TMEM61: variants seen among roughly 807,000 people sequenced by gnomAD.
TMEM61 encodes transmembrane protein 61.
In TMEM61, 13 loss-of-function variants were observed where a neutral mutation model predicts 12.0. That is an observed-to-expected ratio of 1.08 (90% CI 0.70 to 1.72). The LOEUF is 1.72. Ranked by LOEUF, TMEM61 falls within the 40% of genes most tolerant of loss-of-function variation. The pLI, the probability that TMEM61 is intolerant of heterozygous loss-of-function variation, is 0.00. For synonymous variants in TMEM61, 109 were observed against 121.4 expected (o/e 0.90, Z 0.67); for missense variants, 249 against 276.9 (o/e 0.90, Z 0.71).
chr1:54,991,274 A>G (rs1043489606), intron 2 of TMEM61, among the ~76,000 whole-genome samples: 4 of 152,210 alleles, frequency 2.6e-5, no homozygotes, highest in African/African-American at 9.7e-5. Context: ...CTGTCCAGAG[A>G]TAGAAGTGGT....
In TMEM61 at chr1:54,992,266, AAAAT is replaced by A. The variant is rs1474421849; in HGVS notation, c.*168_*171del. 20 of 841,880 alleles carry A rather than the reference AAAAT, an allele frequency of 2.4e-5. No homozygotes were observed. In the African/African-American group the frequency reaches 3.4e-4, roughly 14 times the overall value. The allele number at this position is 841,880 out of a possible 1,614,324, so 52.2% of individuals were successfully genotyped here. A position where few individuals can be genotyped will look rare whatever the true frequency, so the allele number is the denominator to read the frequency against. Reference sequence around the variant, plus strand: ...AAACCACCCCAGAATTTAGTGGCTTAAAATAAATCCCATTTTATTATGTCTCACG... The same window carrying A: ...AAACCACCCCAGAATTTAGTGGCTTAAAATCCCATTTTATTATGTCTCACG... On this transcript the variant is annotated 3_prime_UTR_variant, in exon 3 of 3. Coordinates refer to ENST00000371268, the MANE Select transcript of TMEM61 (RefSeq NM_182532.3).
chr1:54,991,821 C>A lies in TMEM61; in HGVS notation c.366-15C>A. The stretch of plus-strand genomic sequence containing the variant: ...GCCCCAGCCCCTGCTAACAGCCTCT[C>A]TTCTGTTCCTGCAGGACCCCCAAAG... On this transcript the variant is annotated splice_polypyrimidine_tract_variant and intron_variant, in intron 2 of 2. Transcript: ENST00000371268. The A allele has an allele frequency of 6.2e-7, 1 of 1,612,580 alleles. No individual in the cohort carries two copies. Among genetic ancestry groups the A allele is most frequent in the Non-Finnish European group, 8.5e-7 (1 of 1,179,238 alleles).
rs1383379253 is a variant in TMEM61 at position 54,981,573 on chromosome 1, G to A, written c.15+493G>A. 3.9e-5 allele frequency among the ~76,000 whole-genome samples: 6 copies of A among 152,272 alleles called. 1 individual carries two copies. The South Asian group carries it at 1.2e-3, about 32-fold the overall frequency. ...GCAGAGGGTGCAATGAGCCGAGATC[G>A]CAGGACTGCCCTCCAGCCTGGGCAA... On this transcript the variant is annotated intron_variant, in intron 1 of 2. Transcript: ENST00000371268.
At position 54,980,924 on chromosome 1, in the gene TMEM61, C is replaced by T. The variant is rs1242734887; in HGVS notation, c.-142C>T. 6.1e-5 allele frequency: 54 copies of T among 890,420 alleles called. No individual in the cohort carries two copies. The highest frequency in any genetic ancestry group is 8.1e-5 in the Non-Finnish European group (50 of 621,034). The allele number at this position is 890,420 out of a possible 1,614,324, so 55.2% of individuals were successfully genotyped here. On this transcript the variant is annotated 5_prime_UTR_variant, in exon 1 of 3. Transcript: ENST00000371268. ...GGGCTCGGGGGCAGCGGCCAGGCCC[C>T]TCCGCCCCTAACACCCGCGCCTCCT...
chr1:54,987,763 G>T (rs1644270230), intron 2 of TMEM61, among the ~76,000 whole-genome samples: 1 of 152,210 alleles, frequency 6.6e-6, no homozygotes, highest in African/African-American at 2.4e-5. Context: ...CTGCACGGCT[G>T]GCATTCTTCC....
At chr1:54,983,257 G>A (rs1427534616) in intron 1 of TMEM61, among the ~76,000 whole-genome samples, 1 of 151,834 alleles carries the variant, frequency 6.6e-6, no homozygotes, top group African/African-American at 2.4e-5. Context: ...GGGACTACAG[G>A]TGCCCACCAC....
In TMEM61 at chr1:54,986,270, C is replaced by A; in HGVS notation, c.189C>A (p.Ser63Arg). The A allele has an allele frequency of 6.2e-7, 1 of 1,613,868 alleles. No homozygotes were observed. The highest frequency in any genetic ancestry group is 8.5e-7 in the Non-Finnish European group (1 of 1,180,002). The change falls in exon 2 of 3, where the codon AGC becomes AGA. Residue 63 changes from serine to arginine, a missense_variant. Transcript: ENST00000371268. ...AGTATCCGGTGCCTGAGGGCCCCAG[C>A]CCCCTGCTCAGGTCCGTCAGCTTCG... Reference protein sequence around the residue: ...PTEYPVPEGPSPLLRSVSFVC... With the variant: ...PTEYPVPEGPRPLLRSVSFVC...
rs998486055 is a variant in TMEM61 at position 54,991,881 on chromosome 1, C to T, written c.411C>T (p.Ser137=). Residue 137 remains serine (S), a synonymous_variant, in exon 3 of 3, where the codon AGC becomes AGT. Coordinates refer to ENST00000371268, the MANE Select transcript of TMEM61 (RefSeq NM_182532.3). ...VDIPTYEEAV[S]FPVAEGPPTP... The stretch of plus-strand genomic sequence containing the variant: ...TCCCCACTTACGAGGAAGCCGTGAG[C>T]TTCCCAGTGGCCGAGGGGCCCCCAA... 1 of 1,614,024 alleles carries T rather than the reference C, an allele frequency of 6.2e-7. No homozygotes were observed. Among genetic ancestry groups the T allele is most frequent in the African/African-American group, 1.3e-5 (1 of 74,928 alleles).
chr1:54,986,039 G>T (rs1644255399), intron 1 of TMEM61, 58 bp from the exon 2 acceptor site: 2 of 1,451,692 alleles, frequency 1.4e-6, no homozygotes. Context: ...ATTAACACCT[G>T]GCCTCCAGCA....
chr1:54,983,920 A>G (rs1421472062), intron 1 of TMEM61, among the ~76,000 whole-genome samples: 2 of 152,144 alleles, frequency 1.3e-5, no homozygotes, highest in East Asian at 1.9e-4. Context: ...ACAGATTCAC[A>G]GGAAGAGAAC....
intron 2 of TMEM61, among the ~76,000 whole-genome samples, chr1:54,986,879 T>G (rs1644265005): frequency 6.6e-6 from 1 of 152,176 alleles, no homozygotes; most frequent in South Asian, 2.1e-4. Context: ...CCCTAAGCTT[T>G]AACTTCCTCA....
intron 1 of TMEM61, among the ~76,000 whole-genome samples, chr1:54,983,764 A>AT (rs964022451): frequency 1.3e-5 from 2 of 151,590 alleles, no homozygotes; most frequent in Non-Finnish European, 2.9e-5. Flanking sequence ...TGTTTTTTGA[A>AT]TTTTTTTTCC....
At chr1:54,991,686 T>C in intron 2 of TMEM61, 150 bp from the exon 3 acceptor site, 3 of 975,910 alleles carry the variant, frequency 3.1e-6, no homozygotes, top group Non-Finnish European at 4.6e-6. Flanking sequence ...TCATGCCAAG[T>C]TTCAACTGCG....
intron 1 of TMEM61, 67 bp downstream of exon 1, chr1:54,981,147 G>T: frequency 6.6e-7 from 1 of 1,526,054 alleles, no homozygotes. Context: ...ACCTTGCCCC[G>T]ACCCCTTCCC....
intron 1 of TMEM61, among the ~76,000 whole-genome samples, chr1:54,985,843 T>C (rs1187166284): frequency 6.6e-6 from 1 of 152,194 alleles, no homozygotes; most frequent in Non-Finnish European, 1.5e-5. Context: ...AGGGAGGCCC[T>C]GAGTGAAAGT....
chr1:54,988,588 A>C (rs929036578), intron 2 of TMEM61, among the ~76,000 whole-genome samples: 1 of 152,184 alleles, frequency 6.6e-6, no homozygotes, highest in Non-Finnish European at 1.5e-5. Flanking sequence ...CAGGCACCTC[A>C]GTCTCTGGTG....
chr1:54,989,578 G>A (rs1644282121), intron 2 of TMEM61, among the ~76,000 whole-genome samples: 1 of 152,226 alleles, frequency 6.6e-6, no homozygotes, highest in African/African-American at 2.4e-5. Context: ...TCCATGAATG[G>A]GGCCTGCTCC....
intron 2 of TMEM61, among the ~76,000 whole-genome samples, chr1:54,987,252 C>A (rs1389485731): frequency 1.3e-5 from 2 of 152,216 alleles, no homozygotes; most frequent in African/African-American, 2.4e-5. Context: ...GGGTGCACAG[C>A]AAATGTCAAC....
At chr1:54,984,153 C>T (rs532306849) in intron 1 of TMEM61, among the ~76,000 whole-genome samples, 1 of 152,316 alleles carries the variant, frequency 6.6e-6, no homozygotes, top group Admixed American at 6.5e-5. Flanking sequence ...TTGCCATGCC[C>T]TTCAGCTCCC....
Sources: gnomAD v4.1 joint callset for allele counts (sites outside exome capture counted in the v4.1 genomes callset) on GRCh38, gnomAD v4.1.1 for gene constraint, MANE v1.5 for transcripts, NCBI Gene and HGNC (gene_info 2026-07-23, HGNC 2026-07-21) for gene names.